The following LCA5 variants were observed in gnomAD, a reference collection of about 807,000 sequenced individuals.
The protein encoded by LCA5 is lebercilin.
LCA5 carries 37 observed loss-of-function variants against 53.0 expected under a neutral mutation model. The observed-to-expected ratio is 0.70, with a 90% CI of 0.54 to 0.92. The LOEUF (loss-of-function observed/expected upper bound fraction) is 0.92, where lower values mean the gene tolerates loss of function less well. Ranked by LOEUF, LCA5 falls within the 40% of genes least tolerant of loss-of-function variation. The pLI is 0.00. For synonymous variants in LCA5, 303 were observed against 282.9 expected (o/e 1.07, Z -0.71); for missense variants, 806 against 790.5 (o/e 1.02, Z -0.23).
At chr6:79,534,892 A>G (rs1767065434) in intron 1 of LCA5, among the ~76,000 whole-genome samples, 1 of 152,184 alleles carries the variant, frequency 6.6e-6, no homozygotes. Context: ...TGTGCTGTCC[A>G]ATACAGTGGC....
At chr6:79,492,479 A>G (rs1769870705) in intron 5 of LCA5, 72 bp downstream of exon 5, 1 of 686,686 alleles carries the variant, frequency 1.5e-6, no homozygotes, top group African/African-American at 1.8e-5. Flanking sequence ...CTTCCCTTCC[A>G]TTTCAGAATT....
At chr6:79,493,355 T>C (rs796256877) in intron 4 of LCA5, among the ~76,000 whole-genome samples, 3 of 152,310 alleles carry the variant, frequency 2.0e-5, no homozygotes, top group African/African-American at 7.2e-5. Flanking sequence ...AATTTTCTTC[T>C]ATGATTTTAC....
At chr6:79,536,651 G>A (rs1448770151) in intron 1 of LCA5, among the ~76,000 whole-genome samples, 1 of 152,144 alleles carries the variant, frequency 6.6e-6, no homozygotes, top group Non-Finnish European at 1.5e-5. Context: ...GCCTGGACAA[G>A]TACGGCTTTC....
chr6:79,499,339 A>G (rs962852494), intron 3 of LCA5, among the ~76,000 whole-genome samples: 1 of 152,112 alleles, frequency 6.6e-6, no homozygotes, highest in East Asian at 1.9e-4. Context: ...GTAAAAATTA[A>G]AATGCTTAGA....
intron 3 of LCA5, among the ~76,000 whole-genome samples, chr6:79,500,044 G>A (rs62411350): frequency 0.025 from 3,853 of 151,644 alleles, 51 homozygotes; most frequent in Middle Eastern, 0.071. Context: ...TTTTATGGCT[G>A]CATAGTATTC....
At chr6:79,495,480 G>A (rs761872519) in intron 3 of LCA5, among the ~76,000 whole-genome samples, 48 of 151,956 alleles carry the variant, frequency 3.2e-4, no homozygotes, top group Non-Finnish European at 6.2e-4. Context: ...GGCCAGGCGC[G>A]GTGGCTCATG....
chr6:79,524,235 T>C (rs969657580), intron 1 of LCA5, among the ~76,000 whole-genome samples: 3 of 152,218 alleles, frequency 2.0e-5, no homozygotes, highest in Non-Finnish European at 4.4e-5. Flanking sequence ...TTACTTTTAT[T>C]GAATTCCTGA....
intron 4 of LCA5, among the ~76,000 whole-genome samples, chr6:79,493,279 T>C (rs149121569): frequency 1.2e-3 from 180 of 152,182 alleles, no homozygotes; most frequent in African/African-American, 3.9e-3. Context: ...TAATAAATCA[T>C]TGGGTGATCT....
At position 79,513,358 on chromosome 6, in the gene LCA5, T is replaced by C. The variant is rs1562106265; in HGVS notation, c.574A>G (p.Thr192Ala). 6.2e-7 allele frequency: 1 copy of C among 1,613,976 alleles called. No homozygotes were observed. Among genetic ancestry groups the C allele is most frequent in the Non-Finnish European group, 8.5e-7 (1 of 1,179,890 alleles). Residue 192 changes from threonine (T) to alanine (A), a missense_variant, in exon 3 of 8, where the codon ACA becomes GCA. Coordinates refer to ENST00000369846, the MANE Select transcript of LCA5 (RefSeq NM_001122769.3). ...TTTGTCCTAAATAGTTCACTTTCTG[T>C]ATCTTTTACCCTTTTCTCAGTTGCC... ...ERATEKRVKD[T>A]ESELFRTKFS... is the part of the protein sequence containing the mutation.
chr6:79,521,371 T>C lies in LCA5; in HGVS notation c.-191-2286A>G, dbSNP rs1012007446. 9.8e-5 allele frequency among the ~76,000 whole-genome samples: 15 copies of C among 152,314 alleles called. No homozygotes were observed. The South Asian group carries it at 1.0e-3, about 11-fold the overall frequency. Reference sequence around the variant, plus strand: ...CACAAATTAACCAGTTCGAATGACTTTAAAACACAATAACTTGACTTTATA... The same window carrying C: ...CACAAATTAACCAGTTCGAATGACTCTAAAACACAATAACTTGACTTTATA... On this transcript the variant is annotated intron_variant, in intron 1 of 7. Transcript: ENST00000369846.
chr6:79,495,517 C>T (rs999827082), intron 3 of LCA5, among the ~76,000 whole-genome samples: 2 of 151,760 alleles, frequency 1.3e-5, no homozygotes, highest in Non-Finnish European at 2.9e-5. Context: ...TCTGGGAGGC[C>T]GAGGCAGTGG....
intron 1 of LCA5, among the ~76,000 whole-genome samples, chr6:79,536,482 C>T (rs1767125761): frequency 6.6e-6 from 1 of 152,244 alleles, no homozygotes; most frequent in African/African-American, 2.4e-5. Context: ...GGGCTCTTCA[C>T]TGTTAAACAC....
intron 1 of LCA5, among the ~76,000 whole-genome samples, chr6:79,521,254 AT>A (rs1476863859): frequency 6.6e-6 from 1 of 152,196 alleles, no homozygotes; most frequent in Non-Finnish European, 1.5e-5. Context: ...GGAAATTACG[AT>A]TTTTAGAAAT....
Position 79,513,831 on chromosome 6 carries a change from C to T in LCA5, c.191-90G>A, listed in dbSNP as rs927409059. 3 of 1,202,474 alleles carry T rather than the reference C, an allele frequency of 2.5e-6. No individual in the cohort carries two copies. The African/African-American group carries it at 4.5e-5, about 18-fold the overall frequency. 74.5% of individuals were successfully genotyped at this position (1,202,474 alleles called of 1,614,324 possible). The stretch of plus-strand genomic sequence containing the variant: ...CTAACACAAGTGGGTCCGTAACATT[C>T]TTTAGTTATTTTTGTCTTTAAGAAA... On this transcript the variant is annotated intron_variant, in intron 2 of 7. Transcript: ENST00000369846.
chr6:79,534,509 A>G (rs911874761), intron 1 of LCA5, among the ~76,000 whole-genome samples: 1 of 152,142 alleles, frequency 6.6e-6, no homozygotes, highest in African/African-American at 2.4e-5. Context: ...AAATGAGTAA[A>G]ATACAACTGA....
intron 3 of LCA5, among the ~76,000 whole-genome samples, chr6:79,506,188 TAA>T (rs1282181025): frequency 6.6e-6 from 1 of 152,186 alleles, no homozygotes. Context: ...TAGAAATTTT[TAA>T]AAAAGTCTTA....
chr6:79,532,146 T>G (rs1170397580), intron 1 of LCA5, among the ~76,000 whole-genome samples: 3 of 152,210 alleles, frequency 2.0e-5, no homozygotes, highest in African/African-American at 7.2e-5. Flanking sequence ...TCCTTCTTCC[T>G]ACATCTCTCA....
intron 3 of LCA5, among the ~76,000 whole-genome samples, chr6:79,511,330 C>A (rs1770404157): frequency 6.6e-6 from 1 of 152,052 alleles, no homozygotes; most frequent in African/African-American, 2.4e-5. Flanking sequence ...TATATGCAAC[C>A]ATTTGAGTGA....
chr6:79,495,028 T>G (rs1236049208), intron 3 of LCA5, among the ~76,000 whole-genome samples: 1 of 152,238 alleles, frequency 6.6e-6, no homozygotes, highest in East Asian at 1.9e-4. Flanking sequence ...GTCTGTGACC[T>G]GGTAGGAACC....
Sources: gnomAD v4.1 joint callset for allele counts (sites outside exome capture counted in the v4.1 genomes callset) on GRCh38, gnomAD v4.1.1 for gene constraint, MANE v1.5 for transcripts, NCBI Gene and HGNC (gene_info 2026-07-23, HGNC 2026-07-21) for gene names.